SLCO3A1: variants seen among roughly 807,000 people sequenced by gnomAD.
The protein encoded by SLCO3A1 is PGE1 transporter.
SLCO3A1 carries 27 observed loss-of-function variants against 63.1 expected under a neutral mutation model. That is an observed-to-expected ratio of 0.43 (90% CI 0.32 to 0.59). The LOEUF (loss-of-function observed/expected upper bound fraction) is 0.59, where lower values mean the gene tolerates loss of function less well. SLCO3A1 is among the 20% of genes least tolerant of loss of function. The probability of loss-of-function intolerance (pLI) is 0.09; values close to 1 mark genes in which losing one functional copy is unlikely to be tolerated. For missense variants in SLCO3A1, 773 were observed against 945.8 expected (o/e 0.82, Z 2.40); for synonymous variants, 473 against 409.9 (o/e 1.15, Z -1.86).
intron 4 of SLCO3A1, among the ~76,000 whole-genome samples, chr15:92,109,178 G>A (rs2047699973): frequency 6.6e-6 from 1 of 152,116 alleles, no homozygotes; most frequent in African/African-American, 2.4e-5. Context: ...GTAACCTTAG[G>A]AGGCATCGGT....
chr15:92,040,286 A>C (rs1353332652), intron 2 of SLCO3A1, among the ~76,000 whole-genome samples: 2 of 152,204 alleles, frequency 1.3e-5, no homozygotes, highest in African/African-American at 4.8e-5. Context: ...CTGTCACCTT[A>C]ATCTTTTCAA....
chr15:92,163,721 C>G lies in SLCO3A1; in HGVS notation c.*586C>G. 1.0e-6 allele frequency: 1 copy of G among 985,240 alleles called. No homozygotes were observed. Among genetic ancestry groups the G allele is most frequent in the Non-Finnish European group, 1.2e-6 (1 of 829,908 alleles). 61.0% of individuals were successfully genotyped at this position (985,240 alleles called of 1,614,324 possible). A position where few individuals can be genotyped will look rare whatever the true frequency, so the allele number is the denominator to read the frequency against. ...TTCGCAATATGGGTCACTGTGTAGA[C>G]GACTCACCCAGTCTGCATGTGGTTC... On this transcript the variant is annotated 3_prime_UTR_variant, in exon 10 of 10. Transcript: ENST00000318445.
At chr15:92,109,054 G>T (rs1376749745) in intron 4 of SLCO3A1, among the ~76,000 whole-genome samples, 4 of 152,160 alleles carry the variant, frequency 2.6e-5, no homozygotes, top group Non-Finnish European at 1.5e-5. Flanking sequence ...GATACTGGTT[G>T]AATGAAGTAA....
chr15:91,957,128 A>G (rs567512047), intron 2 of SLCO3A1, among the ~76,000 whole-genome samples: 1 of 23,228 alleles, frequency 4.3e-5, no homozygotes, highest in Non-Finnish European at 6.5e-5. Context: ...TATATATAAT[A>G]TATATACTAT....
rs759317113 is a variant in SLCO3A1 at position 92,033,743 on chromosome 15, T to A, written c.647-61138T>A. 2.7e-5 allele frequency among the ~76,000 whole-genome samples: 4 copies of A among 149,380 alleles called. No homozygotes were observed. The highest frequency in any genetic ancestry group is 4.5e-5 in the Non-Finnish European group (3 of 67,326). On this transcript the variant is annotated intron_variant, in intron 2 of 9. Coordinates refer to ENST00000318445, the MANE Select transcript of SLCO3A1 (RefSeq NM_013272.4). The surrounding 1 kb of genome is among the most constrained non-coding windows in gnomAD (Gnocchi z 4.5). ...GTGGCAAAAAAGACGGGGATAGGAG[T>A]GTTGGGAGTCGTACAGTTTTAGTGT...
intron 2 of SLCO3A1, among the ~76,000 whole-genome samples, chr15:92,031,223 A>T (rs2046644694): frequency 6.6e-6 from 1 of 152,232 alleles, no homozygotes; most frequent in African/African-American, 2.4e-5. Flanking sequence ...GAGAAAAAAA[A>T]TAAAGGAGTT....
chr15:91,973,910 G>T (rs976431315), intron 2 of SLCO3A1, among the ~76,000 whole-genome samples: 1 of 152,128 alleles, frequency 6.6e-6, no homozygotes, highest in Admixed American at 6.5e-5. Context: ...TTCTATAAAG[G>T]TATTTCCTTC....
intron 2 of SLCO3A1, among the ~76,000 whole-genome samples, chr15:91,935,391 C>T (rs757734507): frequency 1.3e-5 from 2 of 152,086 alleles, no homozygotes; most frequent in Non-Finnish European, 2.9e-5. Flanking sequence ...GACTGGGACC[C>T]GAGGATCAGA....
At chr15:92,043,992 C>A (rs1435794653) in intron 2 of SLCO3A1, among the ~76,000 whole-genome samples, 1 of 152,204 alleles carries the variant, frequency 6.6e-6, no homozygotes, top group Non-Finnish European at 1.5e-5. Context: ...CTTCCCCTGT[C>A]TGAAAAGGAA....
intron 2 of SLCO3A1, among the ~76,000 whole-genome samples, chr15:92,012,142 A>G (rs1275374450): frequency 6.6e-6 from 1 of 152,240 alleles, no homozygotes; most frequent in Non-Finnish European, 1.5e-5. Context: ...GGTTGCCTTT[A>G]TGTAATAATC....
intron 2 of SLCO3A1, among the ~76,000 whole-genome samples, chr15:92,082,014 T>C (rs2047352632): frequency 1.3e-5 from 2 of 152,242 alleles, no homozygotes; most frequent in Admixed American, 6.5e-5. Context: ...CATTAGTGTT[T>C]GGTTTTGTTT....
At chr15:92,058,484 G>T (rs960088064) in intron 2 of SLCO3A1, among the ~76,000 whole-genome samples, 11 of 151,980 alleles carry the variant, frequency 7.2e-5, no homozygotes, top group African/African-American at 2.7e-4. Context: ...TAGGATGTTG[G>T]GTGTCCCGCA....
rs1234489114 is a variant in SLCO3A1, at chr15:91,968,363, T to C, written c.646+51905T>C. On this transcript the variant is annotated intron_variant, in intron 2 of 9. Transcript: ENST00000318445. This position sits in a 1 kb window ranked among gnomAD's most constrained non-coding sequence, Gnocchi z 4.2. Reference sequence around the variant, plus strand: ...TCCTGCGAGCTTTCTCTCAAGTAGATTCTGCTGAGTTCTGCTTGGACTGGT... The same window carrying C: ...TCCTGCGAGCTTTCTCTCAAGTAGACTCTGCTGAGTTCTGCTTGGACTGGT... Among the ~76,000 whole-genome samples the C allele has an allele frequency of 6.6e-6, 1 of 152,092 alleles. No individual in the cohort carries two copies. The highest frequency in any genetic ancestry group is 1.5e-5 in the Non-Finnish European group (1 of 68,028).
chr15:92,164,119 G>A lies in SLCO3A1; in HGVS notation c.*984G>A, dbSNP rs1464866012. On this transcript the variant is annotated 3_prime_UTR_variant, in exon 10 of 10. Transcript: ENST00000318445. ...CTATTTTTAACTACTTCTAAAATCT[G>A]TGTTAACCCTTCAAGTCACTAACAC... 19 of 980,966 alleles carry A rather than the reference G, an allele frequency of 1.9e-5. No individual in the cohort carries two copies. Among genetic ancestry groups the A allele is most frequent in the Non-Finnish European group, 2.1e-5 (17 of 825,984 alleles). The allele number at this position is 980,966 out of a possible 1,614,324, so 60.8% of individuals were successfully genotyped here.
chr15:92,067,541 G>A (rs2047166280), intron 2 of SLCO3A1, among the ~76,000 whole-genome samples: 1 of 152,184 alleles, frequency 6.6e-6, no homozygotes. Flanking sequence ...TCACAATCAG[G>A]AGAAGTACAT....
chr15:92,037,120 T>A (rs550746598), intron 2 of SLCO3A1, among the ~76,000 whole-genome samples: 2 of 152,340 alleles, frequency 1.3e-5, no homozygotes, highest in East Asian at 3.9e-4. Context: ...AGTTGTATTC[T>A]ATAAGCCCCC....
chr15:92,091,846 C>G (rs572676178), intron 2 of SLCO3A1, among the ~76,000 whole-genome samples: 2 of 152,200 alleles, frequency 1.3e-5, no homozygotes, highest in African/African-American at 4.8e-5. Flanking sequence ...TTTAGCTTAT[C>G]TTTGTTCAGC....
chr15:92,130,221 G>A (rs2047976047), intron 7 of SLCO3A1, among the ~76,000 whole-genome samples: 2 of 152,192 alleles, frequency 1.3e-5, no homozygotes. Flanking sequence ...TATTGAATAA[G>A]AGCCTTACCA....
chr15:92,142,015 T>C (rs1335117003), intron 7 of SLCO3A1, among the ~76,000 whole-genome samples: 1 of 152,194 alleles, frequency 6.6e-6, no homozygotes, highest in African/African-American at 2.4e-5. Flanking sequence ...CCCATCCAAG[T>C]CCTTGCACAG....
Sources: gnomAD v4.1 joint callset for allele counts (sites outside exome capture counted in the v4.1 genomes callset) on GRCh38, gnomAD v4.1.1 for gene constraint, Gnocchi (gnomAD v3.1) non-coding constraint, MANE v1.5 for transcripts, NCBI Gene and HGNC (gene_info 2026-07-23, HGNC 2026-07-21) for gene names.